The following ABCA4 variants were observed in gnomAD, a reference collection of about 807,000 sequenced individuals.
ABCA4 encodes the protein ATP binding cassette subfamily A member 4, also known as retinal-specific phospholipid-transporting ATPase ABCA4.
Under a neutral mutation model 263.7 loss-of-function variants are expected in ABCA4, and 196 were observed. That is an observed-to-expected ratio of 0.74 (90% CI 0.66 to 0.84). The LOEUF is 0.84. Among genes scored for constraint, ABCA4 ranks in the 40% least tolerant of loss-of-function variants. The pLI is 0.00. For synonymous variants in ABCA4, 1,133 were observed against 1,094.2 expected, an observed-to-expected ratio of 1.04 and a Z score of -0.70; for missense variants, 2,792 against 2,855.1, an observed-to-expected ratio of 0.98 and a Z score of 0.50.
chr1:94,018,192 C>T (rs1433529225), intron 36 of ABCA4, among the ~76,000 whole-genome samples: 6 of 149,830 alleles, frequency 4.0e-5, no homozygotes, highest in Admixed American at 6.7e-5. Flanking sequence ...AGCGCACACG[C>T]GCGTGCGTGC....
At chr1:94,044,124 CCCTTCCTT>C (rs1286053633) in intron 20 of ABCA4, among the ~76,000 whole-genome samples, 132 of 2,780 alleles carry the variant, frequency 0.047, no homozygotes, top group Admixed American at 0.087. Context: ...CTTCCTTCCT[CCCTTCCTT>C]CCTCCCTTCC....
chr1:94,012,746 T>G (rs1301318075), intron 38 of ABCA4, among the ~76,000 whole-genome samples: 1 of 152,234 alleles, frequency 6.6e-6, no homozygotes, highest in African/African-American at 2.4e-5. Context: ...CGCTGTATTA[T>G]GGAGGATCAT....
At chr1:94,102,173 A>T (rs1016085273) in intron 5 of ABCA4, among the ~76,000 whole-genome samples, 2 of 152,184 alleles carry the variant, frequency 1.3e-5, no homozygotes, top group African/African-American at 4.8e-5. Flanking sequence ...GTCGTGAGTT[A>T]GTGGTAAGAA....
chr1:94,117,067 T>A (rs1662810598), intron 1 of ABCA4, among the ~76,000 whole-genome samples: 1 of 148,416 alleles, frequency 6.7e-6, no homozygotes, highest in Admixed American at 6.7e-5. Context: ...TTCCTTTCTC[T>A]CTCTCTTCCT....
chr1:94,112,428 C>T (rs1350329327), intron 2 of ABCA4, among the ~76,000 whole-genome samples: 2 of 152,132 alleles, frequency 1.3e-5, no homozygotes, highest in African/African-American at 2.4e-5. Flanking sequence ...CTAGCAACAA[C>T]AAAGCAAACA....
chr1:94,112,227 T>C (rs1317697567), intron 2 of ABCA4, among the ~76,000 whole-genome samples: 1 of 152,192 alleles, frequency 6.6e-6, no homozygotes, highest in Non-Finnish European at 1.5e-5. Context: ...TCCTTTCAGG[T>C]CTGCAGACAC....
At chr1:94,075,128 A>G (rs542036894) in intron 11 of ABCA4, among the ~76,000 whole-genome samples, 2 of 152,104 alleles carry the variant, frequency 1.3e-5, no homozygotes, top group Non-Finnish European at 2.9e-5. Context: ...ACATGGACAC[A>G]GGGAGGGGAA....
chr1:94,116,757 G>A (rs1278735944), intron 1 of ABCA4, among the ~76,000 whole-genome samples: 1 of 152,142 alleles, frequency 6.6e-6, no homozygotes, highest in East Asian at 1.9e-4. Context: ...ACCCCAGGGA[G>A]AAATTCCACA....
chr1:94,108,650 G>A lies in ABCA4; in HGVS notation c.369C>T (p.Gly123=), dbSNP rs762830576. The part of the protein sequence containing the change: ...LMNAPESQHL[G]RIWTELHILS... ...AGATGTGTAGCTCTGTCCAAATACG[G>A]CCAAGGTGCTGGCTCTCTGGTGCAT... The change falls in exon 4 of 50, where the codon GGC becomes GGT. Residue 123 remains glycine (G), a synonymous_variant. Coordinates refer to ENST00000370225, the MANE Select transcript of ABCA4 (RefSeq NM_000350.3). 9 of 1,613,996 alleles carry A rather than the reference G, an allele frequency of 5.6e-6. No homozygotes were observed. In the Admixed American group the frequency reaches 1.5e-4, roughly 27 times the overall value.
intron 16 of ABCA4, 53 bp downstream of exon 16, chr1:94,055,058 G>T: frequency 6.7e-7 from 1 of 1,493,910 alleles, no homozygotes; most frequent in Non-Finnish European, 9.3e-7. Context: ...AATGGAGAGG[G>T]CTGGGGATCT....
At chr1:94,054,218 C>T (rs909041199) in intron 16 of ABCA4, among the ~76,000 whole-genome samples, 1 of 152,236 alleles carries the variant, frequency 6.6e-6, no homozygotes, top group African/African-American at 2.4e-5. Flanking sequence ...CACCAAAGGT[C>T]AGGCACTATT....
chr1:94,079,322 A>G lies in ABCA4; in HGVS notation c.1239T>C (p.Asn413=), dbSNP rs775945493. 5 of 1,614,156 alleles carry G rather than the reference A, an allele frequency of 3.1e-6. No homozygotes were observed. The highest frequency in any genetic ancestry group is 4.5e-5 in the East Asian group (2 of 44,884). The change falls in exon 9 of 50, where the codon AAT becomes AAC. Residue 413 remains asparagine, a splice_region_variant and synonymous_variant. Coordinates refer to ENST00000370225, the MANE Select transcript of ABCA4 (RefSeq NM_000350.3). Reference sequence around the variant, plus strand: ...AAGGCAAGCCCAGCTGGGATCTTACATTCTTCAGTATCCTTCGTGCTGCAG... The same window carrying G: ...AAGGCAAGCCCAGCTGGGATCTTACGTTCTTCAGTATCCTTCGTGCTGCAG... ...DSPAARRILK[N]ANSTFEELEH... is the part of the protein sequence containing the mutation.
intron 29 of ABCA4, among the ~76,000 whole-genome samples, chr1:94,029,842 C>G (rs1248288532): frequency 6.6e-6 from 1 of 152,152 alleles, no homozygotes; most frequent in Admixed American, 6.5e-5. Flanking sequence ...CCATCTCTAG[C>G]TTGTGGATCG....
At chr1:94,007,098 A>G (rs115569491) in intron 43 of ABCA4, among the ~76,000 whole-genome samples, 2,124 of 152,304 alleles carry the variant, frequency 0.014, 29 homozygotes, top group South Asian at 0.054. Context: ...CAAATAGCCA[A>G]TGCAGGTTAG....
chr1:94,037,172 A>G lies in ABCA4; in HGVS notation c.3786T>C (p.Phe1262=). The change falls in exon 25 of 50, where the codon TTT becomes TTC. Residue 1262 remains phenylalanine, a synonymous_variant. Coordinates refer to ENST00000370225, the MANE Select transcript of ABCA4 (RefSeq NM_000350.3). ...CTTCCAGGGGAGTGTCAGAAATTCC[A>G]AAACTGCTGAGACCAAGGTCAGCCA... ...ETLADLGLSS[F]GISDTPLEEI... The G allele has an allele frequency of 8.1e-6, 13 of 1,614,254 alleles. No individual in the cohort carries two copies. Among genetic ancestry groups the G allele is most frequent in the Non-Finnish European group, 1.0e-5 (12 of 1,180,046 alleles).
intron 3 of ABCA4, among the ~76,000 whole-genome samples, chr1:94,110,465 T>G (rs1329454673): frequency 6.6e-6 from 1 of 152,212 alleles, no homozygotes; most frequent in African/African-American, 2.4e-5. Context: ...TAACCAGGTA[T>G]CTCAGTTTTC....
chr1:94,118,463 G>T (rs1662860404), intron 1 of ABCA4, among the ~76,000 whole-genome samples: 3 of 152,218 alleles, frequency 2.0e-5, no homozygotes, highest in East Asian at 3.9e-4. Flanking sequence ...TTCTTAGAGG[G>T]ACCATCTTCT....
chr1:94,111,984 A>G (rs923271335), intron 2 of ABCA4, among the ~76,000 whole-genome samples: 12 of 152,210 alleles, frequency 7.9e-5, no homozygotes, highest in Admixed American at 3.3e-4. Flanking sequence ...CCAAGCATGC[A>G]GTAGGGCTGC....
At chr1:94,112,505 A>G (rs1251812676) in intron 2 of ABCA4, among the ~76,000 whole-genome samples, 3 of 152,260 alleles carry the variant, frequency 2.0e-5, no homozygotes, top group Non-Finnish European at 4.4e-5. Context: ...GGATTAAAAC[A>G]TGAAAATTTG....
Sources: gnomAD v4.1 joint callset for allele counts (sites outside exome capture counted in the v4.1 genomes callset) on GRCh38, gnomAD v4.1.1 for gene constraint, MANE v1.5 for transcripts, NCBI Gene and HGNC (gene_info 2026-07-23, HGNC 2026-07-21) for gene names.